The following LNX2 variants were observed in gnomAD, a reference collection of about 807,000 sequenced individuals.
The protein encoded by LNX2 is ligand of Numb protein X 2.
Under a neutral mutation model 66.2 loss-of-function variants are expected in LNX2, and 35 were observed. That is an observed-to-expected ratio of 0.53 (90% CI 0.40 to 0.70). LNX2 has a LOEUF of 0.70. Ranked by LOEUF, LNX2 falls within the 30% of genes least tolerant of loss-of-function variation. The pLI is 0.00. For missense variants in LNX2, 791 were observed against 850.8 expected (o/e 0.93, Z 0.87); for synonymous variants, 337 against 315.6 (o/e 1.07, Z -0.72).
At chr13:27,560,522 T>TG (rs1397554860) in intron 5 of LNX2, among the ~76,000 whole-genome samples, 1 of 144,522 alleles carries the variant, frequency 6.9e-6, no homozygotes, top group Non-Finnish European at 1.5e-5. Context: ...TTGAAAAGAA[T>TG]GACTACAGAA....
intron 2 of LNX2, among the ~76,000 whole-genome samples, chr13:27,569,799 A>G (rs1203131979): frequency 6.6e-6 from 1 of 152,170 alleles, no homozygotes; most frequent in African/African-American, 2.4e-5. Context: ...CTGCAAGGCA[A>G]AGGAAAGACC....
chr13:27,589,458 C>A (rs1265361232), intron 1 of LNX2, among the ~76,000 whole-genome samples: 3 of 152,034 alleles, frequency 2.0e-5, no homozygotes, highest in Admixed American at 6.6e-5. Flanking sequence ...GTATATTTAC[C>A]TTTTAGTCTC....
chr13:27,587,285 G>A (rs117999886), intron 1 of LNX2, among the ~76,000 whole-genome samples: 47 of 151,966 alleles, frequency 3.1e-4, no homozygotes, highest in Non-Finnish European at 4.4e-4. Flanking sequence ...ACTCTTGAGC[G>A]CTCCCCCCCT....
In LNX2 at chr13:27,578,671, T is replaced by C. The variant is rs139951416; in HGVS notation, c.407+2626A>G. Among the ~76,000 whole-genome samples the C allele has an allele frequency of 3.2e-3, 480 of 152,304 alleles. 2 individuals are homozygous for C. The highest frequency in any genetic ancestry group is 0.011 in the African/African-American group (455 of 41,550). ...AACTTTAAATACCCTGAGGCTGTCA[T>C]GCTGGGAAGGCTACCTGTAGCCTCT... On this transcript the variant is annotated intron_variant, in intron 2 of 9. Coordinates refer to ENST00000316334, the MANE Select transcript of LNX2 (RefSeq NM_153371.4).
chr13:27,600,571 C>T (rs539823714), intron 1 of LNX2, among the ~76,000 whole-genome samples: 3 of 152,156 alleles, frequency 2.0e-5, no homozygotes, highest in Non-Finnish European at 4.4e-5. Flanking sequence ...AGAATTCTTT[C>T]AGCTGCAAAT....
At chr13:27,552,255 C>T (rs1320105940) in intron 8 of LNX2, among the ~76,000 whole-genome samples, 1 of 152,220 alleles carries the variant, frequency 6.6e-6, no homozygotes, top group Admixed American at 6.5e-5. Context: ...TGCTCTCTGC[C>T]TGCCCCATCA....
intron 1 of LNX2, among the ~76,000 whole-genome samples, chr13:27,597,599 T>C (rs1436161835): frequency 6.6e-6 from 1 of 152,052 alleles, no homozygotes; most frequent in Non-Finnish European, 1.5e-5. Context: ...TAGACCCATG[T>C]GTCTGGGTAG....
At chr13:27,577,943 C>T (rs1955357097) in intron 2 of LNX2, among the ~76,000 whole-genome samples, 1 of 152,146 alleles carries the variant, frequency 6.6e-6, no homozygotes, top group Non-Finnish European at 1.5e-5. Context: ...ATATTTAGTA[C>T]AACATGTAGA....
Position 27,562,631 on chromosome 13 carries a change from C to T in LNX2, c.1006G>A (p.Glu336Lys), listed in dbSNP as rs140390020. The T allele has an allele frequency of 6.7e-5, 108 of 1,614,140 alleles. No homozygotes were observed. Among genetic ancestry groups the T allele is most frequent in the Non-Finnish European group, 7.5e-5 (89 of 1,180,026 alleles). The change falls in exon 5 of 10, where the codon GAG becomes AAG. Residue 336 changes from glutamate (E) to lysine (K), a missense_variant. Glu to Lys is a moderately conservative substitution (Grantham distance 56). Coordinates refer to ENST00000316334, the MANE Select transcript of LNX2 (RefSeq NM_153371.4). ...NHSDSNSPREEIFQVALHKRD... is the reference protein window; with the variant it reads ...NHSDSNSPREKIFQVALHKRD... ...TTATGAAGAGCCACTTGGAAAATCT[C>T]TTCTCGTGGAGAGTTACTATCAGAA...
chr13:27,569,007 C>T (rs747053772), intron 3 of LNX2, 22 bp downstream of exon 3: 11 of 1,584,490 alleles, frequency 6.9e-6, no homozygotes, highest in Non-Finnish European at 9.4e-6. Context: ...ATGAAATACA[C>T]AAGGAGTTGC....
At chr13:27,598,394 G>A (rs1662819953) in intron 1 of LNX2, among the ~76,000 whole-genome samples, 1 of 152,046 alleles carries the variant, frequency 6.6e-6, no homozygotes, top group African/African-American at 2.4e-5. Context: ...AAACAAAAGG[G>A]GATGAGACCG....
In LNX2 at chr13:27,583,238, G is replaced by GTCCTCTCCAATATAAC. The variant is rs1566124816; in HGVS notation, c.-100-1436_-100-1435insGTTATATTGGAGAGGA. On this transcript the variant is annotated intron_variant, in intron 1 of 9. Coordinates refer to ENST00000316334, the MANE Select transcript of LNX2 (RefSeq NM_153371.4). The stretch of plus-strand genomic sequence containing the variant: ...TGTGTGTGTGTGTGTGTGTGTGTGT[G>GTCCTCTCCAATATAAC]TGTGTGTGTGTGTGTGTGCGCGCGT... Among the ~76,000 whole-genome samples, 23 of 21,606 alleles carry GTCCTCTCCAATATAAC rather than the reference G, an allele frequency of 1.1e-3. 2 individuals carry two copies. The highest frequency in any genetic ancestry group is 1.7e-3 in the Non-Finnish European group (21 of 12,128). 14.2% of individuals were successfully genotyped at this position (21,606 alleles called of 152,430 possible).
chr13:27,583,996 G>C (rs940802769), intron 1 of LNX2, among the ~76,000 whole-genome samples: 1 of 152,092 alleles, frequency 6.6e-6, no homozygotes, highest in Non-Finnish European at 1.5e-5. Flanking sequence ...AGGGCACCTT[G>C]GGTGAAAAAA....
chr13:27,570,510 G>A (rs1031415150), intron 2 of LNX2, among the ~76,000 whole-genome samples: 10 of 151,974 alleles, frequency 6.6e-5, no homozygotes, highest in Non-Finnish European at 1.2e-4. Context: ...TTTCTTGTTT[G>A]CTCTACACCT....
chr13:27,592,203 G>GC (rs758940052), intron 1 of LNX2, among the ~76,000 whole-genome samples: 18 of 152,208 alleles, frequency 1.2e-4, no homozygotes, highest in Non-Finnish European at 2.2e-4. Flanking sequence ...GCAATTAAAA[G>GC]CCTACTGAAA....
intron 2 of LNX2, among the ~76,000 whole-genome samples, chr13:27,579,476 T>C (rs1425755003): frequency 5.9e-5 from 9 of 152,112 alleles, no homozygotes; most frequent in Admixed American, 5.9e-4. Flanking sequence ...AGCTGGAAAA[T>C]GAAACCTTCA....
At chr13:27,618,226 ACAC>A (rs1266001410) in intron 1 of LNX2, among the ~76,000 whole-genome samples, 1 of 152,196 alleles carries the variant, frequency 6.6e-6, no homozygotes, top group Non-Finnish European at 1.5e-5. Context: ...TACCTCTTAA[ACAC>A]CACGTCATTT....
At chr13:27,551,685 G>C (rs1391863759) in intron 8 of LNX2, among the ~76,000 whole-genome samples, 1 of 151,984 alleles carries the variant, frequency 6.6e-6, no homozygotes, top group Non-Finnish European at 1.5e-5. Context: ...ATTCTATAAA[G>C]CAATGTTTAC....
chr13:27,581,906 A>C, intron 1 of LNX2, 103 bp from the exon 2 acceptor site: 1 of 403,936 alleles, frequency 2.5e-6, no homozygotes. Flanking sequence ...TTAGTAAAAA[A>C]TTAAAGGTTG....
Sources: allele counts gnomAD v4.1 joint callset (sites outside exome capture counted in the v4.1 genomes callset), GRCh38; gene constraint gnomAD v4.1.1; transcripts MANE v1.5; gene names NCBI Gene and HGNC (gene_info 2026-07-23, HGNC 2026-07-21).